Variants in OR51B5 observed in about 807,000 individuals in gnomAD.
The protein encoded by OR51B5 is olfactory receptor 51B5.
For missense variants in OR51B5, 456 were observed against 374.6 expected (o/e 1.22, Z -1.79); for synonymous variants, 186 against 144.8 (o/e 1.28, Z -2.04).
intron 1 of OR51B5, among the ~76,000 whole-genome samples, chr11:5,371,139 T>C (rs1182110537): frequency 6.6e-6 from 1 of 152,200 alleles, no homozygotes; most frequent in Non-Finnish European, 1.5e-5. Context: ...AAGGGCTTTG[T>C]TTTGGAATTA....
intron 1 of OR51B5, among the ~76,000 whole-genome samples, chr11:5,368,620 C>G (rs1252167890): frequency 7.2e-6 from 1 of 139,492 alleles, no homozygotes; most frequent in Admixed American, 7.0e-5. Context: ...GATATTCTAA[C>G]ATAAAGACTT....
At chr11:5,442,821 CTT>C (rs1010648943) in intron 1 of OR51B5, among the ~76,000 whole-genome samples, 1 of 152,136 alleles carries the variant, frequency 6.6e-6, no homozygotes, top group Non-Finnish European at 1.5e-5. Flanking sequence ...CTAGTGACCT[CTT>C]TGTCTCTGAA....
upstream of OR51B5, among the ~76,000 whole-genome samples, chr11:5,344,963 T>C (rs1848967933): frequency 6.6e-6 from 1 of 152,046 alleles, no homozygotes; most frequent in Non-Finnish European, 1.5e-5. Flanking sequence ...GAGACCTCAA[T>C]ACAAAAGAAA....
chr11:5,413,530 T>G (rs4910558), intron 1 of OR51B5, among the ~76,000 whole-genome samples: 124,788 of 151,562 alleles, frequency 0.82, 52,084 homozygotes, highest in Non-Finnish European at 0.89. Flanking sequence ...AGTTAAAAAC[T>G]TTGAAAAAAA....
intron 1 of OR51B5, among the ~76,000 whole-genome samples, chr11:5,407,865 C>G (rs1360033548): frequency 1.3e-5 from 2 of 151,878 alleles, no homozygotes; most frequent in African/African-American, 4.8e-5. Context: ...TTTTTCCTAT[C>G]AATAATGATT....
At chr11:5,466,018 G>C (rs1851134357) in intron 1 of OR51B5, among the ~76,000 whole-genome samples, 1 of 151,702 alleles carries the variant, frequency 6.6e-6, no homozygotes, top group African/African-American at 2.4e-5. Flanking sequence ...AGAGTGAACA[G>C]GCAACCTACA....
intron 1 of OR51B5, among the ~76,000 whole-genome samples, chr11:5,499,906 C>T (rs564806446): frequency 6.6e-6 from 1 of 152,310 alleles, no homozygotes; most frequent in South Asian, 2.1e-4. Context: ...GTGACTAGGA[C>T]TCCCGTGGTC....
chr11:5,379,874 C>T (rs1437792201), intron 1 of OR51B5, among the ~76,000 whole-genome samples: 1 of 152,078 alleles, frequency 6.6e-6, no homozygotes, highest in African/African-American at 2.4e-5. Flanking sequence ...TCCTTGCATG[C>T]ACTTGCTCTT....
intron 1 of OR51B5, among the ~76,000 whole-genome samples, chr11:5,406,971 C>G (rs1204523856): frequency 6.6e-6 from 1 of 152,050 alleles, no homozygotes; most frequent in African/African-American, 2.4e-5. Flanking sequence ...TACACCTTTT[C>G]TAGTAAATAA....
intron 1 of OR51B5, among the ~76,000 whole-genome samples, chr11:5,371,096 G>C (rs548231833): frequency 6.6e-6 from 1 of 152,150 alleles, no homozygotes; most frequent in Admixed American, 6.5e-5. Context: ...CCTTCTGCTA[G>C]CCCTAGCTAT....
At chr11:5,375,221 T>C (rs1849506148) in intron 1 of OR51B5, among the ~76,000 whole-genome samples, 1 of 148,190 alleles carries the variant, frequency 6.7e-6, no homozygotes, top group South Asian at 2.2e-4. Flanking sequence ...GAATTTAATA[T>C]CCAGCCAAAC....
intron 1 of OR51B5, among the ~76,000 whole-genome samples, chr11:5,418,384 A>G (rs1850273665): frequency 6.6e-6 from 1 of 151,824 alleles, no homozygotes; most frequent in Non-Finnish European, 1.5e-5. Context: ...GTGCACATGT[A>G]CCCTAAAACT....
intron 1 of OR51B5, among the ~76,000 whole-genome samples, chr11:5,450,243 G>C (rs1301990537): frequency 6.6e-6 from 1 of 151,580 alleles, no homozygotes; most frequent in Admixed American, 6.6e-5. Flanking sequence ...ACAAAAATTA[G>C]CCAGGCGTGG....
intron 1 of OR51B5, chr11:5,385,245 A>C (rs2133722898): frequency 6.6e-6 from 1 of 152,334 alleles, no homozygotes; most frequent in East Asian, 1.9e-4. Context: ...CTCTCCTATC[A>C]TGGATAATTA....
intron 1 of OR51B5, among the ~76,000 whole-genome samples, chr11:5,499,365 C>T (rs1851689635): frequency 6.9e-6 from 1 of 144,702 alleles, no homozygotes; most frequent in Non-Finnish European, 1.5e-5. Context: ...CTGGGCCCCA[C>T]TCTTGTTTCT....
intron 1 of OR51B5, among the ~76,000 whole-genome samples, chr11:5,450,929 A>G (rs1193099823): frequency 1.3e-5 from 2 of 152,150 alleles, no homozygotes; most frequent in Admixed American, 6.5e-5. Context: ...CCCAGAACTT[A>G]AAGTAAAAAA....
Position 5,477,133 on chromosome 11 carries a change from T to C in OR51B5, n.84+28436A>G, listed in dbSNP as rs1200688411. 2.0e-5 allele frequency among the ~76,000 whole-genome samples: 3 copies of C among 152,222 alleles called. 1 individual carries two copies. In the East Asian group the frequency reaches 5.8e-4, roughly 29 times the overall value. On this transcript the variant is annotated intron_variant and non_coding_transcript_variant, in intron 1 of 4. Transcript: ENST00000415970. ...ATGTATATGTTTATGATATGGATTG[T>C]AGTGATGGTTTCATGGCTGTATACT...
chr11:5,428,361 A>T (rs139418962), intron 1 of OR51B5, among the ~76,000 whole-genome samples: 265 of 152,294 alleles, frequency 1.7e-3, no homozygotes, highest in African/African-American at 6.2e-3. Flanking sequence ...CAGTAGCATG[A>T]TATCTAAAAA....
At chr11:5,357,347 T>A (rs1222896475) in intron 1 of OR51B5, among the ~76,000 whole-genome samples, 3 of 150,614 alleles carry the variant, frequency 2.0e-5, no homozygotes, top group Non-Finnish European at 3.0e-5. Flanking sequence ...TAAAACAGGC[T>A]TTAAACCAAC....
Sources: allele counts gnomAD v4.1 joint callset (sites outside exome capture counted in the v4.1 genomes callset), GRCh38; gene constraint gnomAD v4.1.1; transcripts MANE v1.5; gene names NCBI Gene and HGNC (gene_info 2026-07-23, HGNC 2026-07-21).